The following RHOBTB1 variants were observed in gnomAD, a reference collection of about 807,000 sequenced individuals.
The protein encoded by RHOBTB1 is rho-related BTB domain-containing protein 1.
RHOBTB1 carries 40 observed loss-of-function variants against 71.6 expected under a neutral mutation model. The ratio of observed to expected loss-of-function variants is 0.56; its 90% CI spans 0.43 to 0.73. The LOEUF (loss-of-function observed/expected upper bound fraction) is 0.73, where lower values mean the gene tolerates loss of function less well. Ranked by LOEUF, RHOBTB1 falls within the 30% of genes least tolerant of loss-of-function variation. The pLI is 0.00. For missense variants in RHOBTB1, 797 were observed against 894.0 expected, an observed-to-expected ratio of 0.89 and a Z score of 1.38; for synonymous variants, 319 against 334.9, an observed-to-expected ratio of 0.95 and a Z score of 0.52.
chr10:60,936,431 C>A (rs1476958317), intron 2 of RHOBTB1, among the ~76,000 whole-genome samples: 1 of 152,238 alleles, frequency 6.6e-6, no homozygotes, highest in Non-Finnish European at 1.5e-5. Flanking sequence ...TGCGTATGCA[C>A]ATACATGCAT....
intron 9 of RHOBTB1, among the ~76,000 whole-genome samples, chr10:60,874,402 G>A (rs939423527): frequency 6.6e-6 from 1 of 152,222 alleles, no homozygotes; most frequent in Non-Finnish European, 1.5e-5. Context: ...GATGAGGAAA[G>A]TGAGGCAGAG....
At chr10:60,954,363 C>G (rs2085516185) in intron 2 of RHOBTB1, among the ~76,000 whole-genome samples, 1 of 152,118 alleles carries the variant, frequency 6.6e-6, no homozygotes, top group African/African-American at 2.4e-5. Flanking sequence ...ATATAGCAGT[C>G]TCAAAAAGGC....
Position 60,870,956 on chromosome 10 carries a change from G to A in RHOBTB1, c.*526C>T, listed in dbSNP as rs766821423. The A allele has an allele frequency of 2.0e-5, 3 of 152,442 alleles. No homozygotes were observed. The highest frequency in any genetic ancestry group is 4.4e-5 in the Non-Finnish European group (3 of 68,066). The allele number at this position is 152,442 out of a possible 1,614,324, so 9.4% of individuals were successfully genotyped here. ...TAAACACTCTCCAATTTGCACTTTG[G>A]GAGATTTCAGTCCCCTCCTTCCTTT... is the stretch of plus-strand genomic sequence containing the variant. On this transcript the variant is annotated 3_prime_UTR_variant, in exon 11 of 11. Transcript: ENST00000337910.
At chr10:60,956,101 G>A (rs1000194426) in intron 2 of RHOBTB1, among the ~76,000 whole-genome samples, 1 of 152,118 alleles carries the variant, frequency 6.6e-6, no homozygotes, top group Admixed American at 6.6e-5. Flanking sequence ...AACCTAGATG[G>A]CATAGCCTAC....
At chr10:60,874,473 C>T (rs1000073817) in intron 9 of RHOBTB1, among the ~76,000 whole-genome samples, 5 of 152,206 alleles carry the variant, frequency 3.3e-5, no homozygotes, top group Non-Finnish European at 7.3e-5. Flanking sequence ...CTTGGACCTT[C>T]TCTGGAAGAA....
intron 2 of RHOBTB1, among the ~76,000 whole-genome samples, chr10:60,962,009 T>C (rs1341433064): frequency 6.6e-6 from 1 of 152,100 alleles, no homozygotes; most frequent in African/African-American, 2.4e-5. Context: ...AGTTTCACCA[T>C]GTTGGCCAGG....
At chr10:60,989,761 C>T (rs2086792143) in intron 1 of RHOBTB1, among the ~76,000 whole-genome samples, 1 of 152,094 alleles carries the variant, frequency 6.6e-6, no homozygotes, top group South Asian at 2.1e-4. Flanking sequence ...GACATGTGCT[C>T]TGTGATGTCC....
At chr10:60,962,971 A>AGG (rs1455328153) in intron 2 of RHOBTB1, among the ~76,000 whole-genome samples, 3 of 152,192 alleles carry the variant, frequency 2.0e-5, no homozygotes, top group African/African-American at 7.2e-5. Context: ...CCATGTTGTT[A>AGG]GGACTGAAAA....
At position 60,994,674 on chromosome 10, in the gene RHOBTB1, A is replaced by T. The variant is rs374649518; in HGVS notation, c.-163+6725T>A. ...TATTATACATTAAATTCATTCAATA[A>T]ATATTTGAGTCTACTATCTTTAAGG... On this transcript the variant is annotated intron_variant, in intron 1 of 11. Transcript: ENST00000357917. Among the ~76,000 whole-genome samples, 363 of 152,274 alleles carry T rather than the reference A, an allele frequency of 2.4e-3. 2 individuals carry two copies. The highest frequency in any genetic ancestry group is 6.8e-3 in the African/African-American group (282 of 41,558).
At chr10:60,893,230 T>G (rs577824804) in intron 4 of RHOBTB1, among the ~76,000 whole-genome samples, 1 of 152,184 alleles carries the variant, frequency 6.6e-6, no homozygotes, top group Non-Finnish European at 1.5e-5. Flanking sequence ...AGAATGCTGA[T>G]GCATTGACGT....
In RHOBTB1 at chr10:60,888,631, C is replaced by T. The variant is rs1482229019; in HGVS notation, c.1037G>A (p.Trp346Ter). The T allele has an allele frequency of 6.2e-7, 1 of 1,614,200 alleles. No homozygotes were observed. ...GPPRIPQADQ[W>*]KSSNKSLVEA... ...CACCAGGCTCTTGTTTGAAGACTTC[C>T]ACTGGTCGGCCTGAGGAATCCTAGG... Residue 346 changes from tryptophan (W) to a stop codon, truncating the protein, a stop_gained, in exon 6 of 11, where the codon TGG becomes TAG. Coordinates refer to ENST00000337910, the MANE Select transcript of RHOBTB1 (RefSeq NM_014836.5). LOFTEE classifies it high-confidence loss of function.
intron 7 of RHOBTB1, 88 bp downstream of exon 7, chr10:60,886,024 G>A (rs2081551343): frequency 1.1e-6 from 1 of 931,244 alleles, no homozygotes; most frequent in Non-Finnish European, 1.7e-6. Flanking sequence ...AAGGATTAAA[G>A]TCATCTGGCT....
At chr10:60,937,493 T>C (rs752956626) in intron 2 of RHOBTB1, among the ~76,000 whole-genome samples, 9 of 152,164 alleles carry the variant, frequency 5.9e-5, no homozygotes, top group Non-Finnish European at 1.2e-4. Context: ...TGGCTGGAAA[T>C]AGTGGCTTTG....
intron 7 of RHOBTB1, among the ~76,000 whole-genome samples, chr10:60,882,639 ATCAGATTT>A (rs2081380474): frequency 6.6e-6 from 1 of 152,078 alleles, no homozygotes; most frequent in Non-Finnish European, 1.5e-5. Context: ...GGTGGCTGGC[ATCAGATTT>A]TCAGATTTTC....
At chr10:60,989,092 C>T (rs999030744) in intron 1 of RHOBTB1, among the ~76,000 whole-genome samples, 1 of 152,112 alleles carries the variant, frequency 6.6e-6, no homozygotes, top group Non-Finnish European at 1.5e-5. Context: ...GCTCTGAACA[C>T]TGGGTTAAGG....
intron 2 of RHOBTB1, among the ~76,000 whole-genome samples, chr10:60,949,914 C>A (rs117903959): frequency 0.016 from 2,458 of 152,246 alleles, 33 homozygotes; most frequent in Non-Finnish European, 0.025. Flanking sequence ...CAAAAGGTAT[C>A]CTTTTCTTAT....
the RHOBTB1 span, among the ~76,000 whole-genome samples, chr10:60,862,781 T>C: frequency 6.7e-6 from 1 of 148,784 alleles, no homozygotes; most frequent in Non-Finnish European, 1.5e-5. Flanking sequence ...TCTTTTCCTC[T>C]TTCTTTCTTC....
chr10:60,952,727 C>T (rs34677336), intron 2 of RHOBTB1, among the ~76,000 whole-genome samples: 8 of 152,116 alleles, frequency 5.3e-5, no homozygotes, highest in Non-Finnish European at 8.8e-5. Context: ...GGCTACAGCT[C>T]ATCTTAAATT....
At chr10:60,902,559 A>AG (rs1389937402) in intron 4 of RHOBTB1, among the ~76,000 whole-genome samples, 2 of 152,188 alleles carry the variant, frequency 1.3e-5, no homozygotes, top group Admixed American at 1.3e-4. Context: ...CATTCACAAA[A>AG]GGCATTACCA....
Sources: allele counts gnomAD v4.1 joint callset (sites outside exome capture counted in the v4.1 genomes callset), GRCh38; gene constraint gnomAD v4.1.1; transcripts MANE v1.5; gene names NCBI Gene and HGNC (gene_info 2026-07-23, HGNC 2026-07-21).